CSMD2: variants seen among roughly 807,000 people sequenced by gnomAD.
CSMD2 encodes the protein CUB and Sushi multiple domains 2, also known as CUB and sushi domain-containing protein 2.
Under a neutral mutation model 398.5 loss-of-function variants are expected in CSMD2, and 130 were observed. The observed-to-expected ratio is 0.33, with a 90% CI of 0.28 to 0.38. CSMD2 has a LOEUF of 0.38. CSMD2 is among the 10% of genes least tolerant of loss of function. The pLI, the probability that CSMD2 is intolerant of heterozygous loss-of-function variation, is 1.00. For synonymous variants in CSMD2, 1,828 were observed against 1,908.5 expected, an observed-to-expected ratio of 0.96 and a Z score of 1.10; for missense variants, 3,829 against 4,764.9, an observed-to-expected ratio of 0.80 and a Z score of 5.78.
At chr1:33,996,363 G>A (rs762520865) in intron 3 of CSMD2, among the ~76,000 whole-genome samples, 1 of 152,202 alleles carries the variant, frequency 6.6e-6, no homozygotes, top group Admixed American at 6.5e-5. Flanking sequence ...CTCCGCCCTG[G>A]CTTTTCCACG....
chr1:33,566,668 G>C (rs112684188), intron 53 of CSMD2, among the ~76,000 whole-genome samples: 157 of 152,198 alleles, frequency 1.0e-3, no homozygotes, highest in African/African-American at 3.5e-3. Flanking sequence ...TACAATTCTA[G>C]CTAAAAAATG....
chr1:33,899,156 G>A lies in CSMD2; in HGVS notation c.920+18938C>T, dbSNP rs557578383. ...GACAGGGCTCTCTTGAAAGGGGAAC[G>A]CTGATGGCAGTCTGTCCCACGCTCA... On this transcript the variant is annotated intron_variant, in intron 5 of 70. Coordinates refer to ENST00000373381, the MANE Select transcript of CSMD2 (RefSeq NM_001281956.2). Among the ~76,000 whole-genome samples the A allele has an allele frequency of 6.6e-5, 10 of 152,336 alleles. No individual in the cohort carries two copies. In the South Asian group the frequency reaches 1.2e-3, roughly 19 times the overall value.
At chr1:33,538,475 CGTGT>C (rs36072752) in intron 60 of CSMD2, among the ~76,000 whole-genome samples, 12 of 151,274 alleles carry the variant, frequency 7.9e-5, no homozygotes, top group African/African-American at 1.9e-4. Flanking sequence ...TGTGCGTGTG[CGTGT>C]GTGTGTGTGT....
chr1:33,883,270 T>C (rs1321630), intron 5 of CSMD2, among the ~76,000 whole-genome samples: 25,875 of 152,164 alleles, frequency 0.17, 3,113 homozygotes, highest in African/African-American at 0.33. Context: ...AAAAAAGACC[T>C]GGGCTTCCAA....
At chr1:33,701,923 C>G (rs1033644730) in intron 22 of CSMD2, among the ~76,000 whole-genome samples, 1 of 152,142 alleles carries the variant, frequency 6.6e-6, no homozygotes, top group African/African-American at 2.4e-5. Context: ...GTAAGAAAGA[C>G]AATCAGACAC....
chr1:33,593,785 G>A (rs1195251656), intron 44 of CSMD2, among the ~76,000 whole-genome samples: 1 of 152,078 alleles, frequency 6.6e-6, no homozygotes, highest in Non-Finnish European at 1.5e-5. Flanking sequence ...CTTATTTTGT[G>A]CTTGCTGTAT....
At position 33,600,904 on chromosome 1, in the gene CSMD2, C is replaced by T. The variant is rs755914721; in HGVS notation, c.6817G>A (p.Asp2273Asn). ...SNQVLLKFHR[D>N]AATGGIFAIA... is the part of the protein sequence containing the mutation. Reference sequence around the variant, plus strand: ...GCGAAGATCCCCCCTGTGGCTGCATCACGGTGGAACTTGAGCAGGACCTGG... The same window carrying T: ...GCGAAGATCCCCCCTGTGGCTGCATTACGGTGGAACTTGAGCAGGACCTGG... Residue 2273 changes from aspartate (D) to asparagine (N), a missense_variant, in exon 44 of 71, where the codon GAT (aspartate) becomes AAT (asparagine). This residue lies in a region of CSMD2 where 723 missense variants were observed against 758.6 expected (regional missense o/e 0.95). Coordinates refer to ENST00000373381, the MANE Select transcript of CSMD2 (RefSeq NM_001281956.2). 15 of 1,614,064 alleles carry T rather than the reference C, an allele frequency of 9.3e-6. No individual in the cohort carries two copies. The African/African-American group carries it at 2.0e-4, about 22-fold the overall frequency.
At chr1:33,758,725 T>C (rs575431494) in intron 13 of CSMD2, among the ~76,000 whole-genome samples, 20 of 152,330 alleles carry the variant, frequency 1.3e-4, no homozygotes, top group African/African-American at 3.1e-4. Context: ...CCTATCCCCA[T>C]TGACTTTGGG....
intron 3 of CSMD2, among the ~76,000 whole-genome samples, chr1:33,996,471 C>T (rs1646730208): frequency 6.6e-6 from 1 of 152,214 alleles, no homozygotes; most frequent in African/African-American, 2.4e-5. Flanking sequence ...AATGTCTTGG[C>T]AGCAAGTCCT....
intron 55 of CSMD2, among the ~76,000 whole-genome samples, chr1:33,554,314 C>T (rs1310729433): frequency 6.6e-6 from 1 of 151,162 alleles, no homozygotes; most frequent in Non-Finnish European, 1.5e-5. Context: ...CTGCCTCAGC[C>T]TCCCGAGTAG....
intron 9 of CSMD2, among the ~76,000 whole-genome samples, chr1:33,817,342 AG>A (rs1657585067): frequency 6.6e-6 from 1 of 152,204 alleles, no homozygotes; most frequent in African/African-American, 2.4e-5. Context: ...CACCACCGTC[AG>A]GGCTGGTCAC....
chr1:33,621,457 C>A (rs1469671768), intron 37 of CSMD2, among the ~76,000 whole-genome samples: 1 of 152,154 alleles, frequency 6.6e-6, no homozygotes, highest in Non-Finnish European at 1.5e-5. Context: ...TTTGACTGAC[C>A]CATCTTAATC....
chr1:33,560,854 A>G (rs1658472302), intron 53 of CSMD2, among the ~76,000 whole-genome samples: 1 of 152,234 alleles, frequency 6.6e-6, no homozygotes, highest in Admixed American at 6.5e-5. Flanking sequence ...CAGGAGTGTG[A>G]TAAATATTTG....
intron 44 of CSMD2, chr1:33,600,077 A>C: frequency 1.5e-6 from 1 of 676,012 alleles, no homozygotes; most frequent in South Asian, 1.7e-5. Flanking sequence ...ACTACCTCAC[A>C]GAATTCTTAC....
At chr1:34,019,433 G>T (rs1648578980) in intron 3 of CSMD2, among the ~76,000 whole-genome samples, 1 of 152,212 alleles carries the variant, frequency 6.6e-6, no homozygotes, top group African/African-American at 2.4e-5. Context: ...ACAAACAACT[G>T]TGTAAGCAAT....
chr1:33,837,368 T>G (rs1322447889), intron 6 of CSMD2, among the ~76,000 whole-genome samples: 3 of 150,312 alleles, frequency 2.0e-5, no homozygotes, highest in Non-Finnish European at 4.4e-5. Flanking sequence ...TGGGATATAT[T>G]CATTCATGTT....
chr1:33,970,503 G>T (rs1299815660), intron 3 of CSMD2, among the ~76,000 whole-genome samples: 1 of 152,210 alleles, frequency 6.6e-6, no homozygotes, highest in African/African-American at 2.4e-5. Context: ...TGGGCACCCA[G>T]GAGCAGATGA....
chr1:33,780,503 A>T (rs1476151697), intron 12 of CSMD2, among the ~76,000 whole-genome samples: 1 of 152,306 alleles, frequency 6.6e-6, no homozygotes, highest in African/African-American at 2.4e-5. Context: ...TAACACTGTC[A>T]TGGGTTTGTC....
At position 33,519,926 on chromosome 1, in the gene CSMD2, G is replaced by A; in HGVS notation, c.10622C>T (p.Pro3541Leu). 5.0e-6 allele frequency: 8 copies of A among 1,614,168 alleles called. No individual in the cohort carries two copies. The highest frequency in any genetic ancestry group is 6.8e-6 in the Non-Finnish European group (8 of 1,180,040). Residue 3541 changes from proline to leucine, a missense_variant, in exon 69 of 71, where the codon CCC becomes CTC. Physicochemically the swap from Pro to Leu is moderately conservative, Grantham distance 98 (BLOSUM62 -3). Transcript: ENST00000373381. The surrounding 1 kb of genome is among the most constrained non-coding windows in gnomAD (Gnocchi z 5.6). ...AGCAAAGTGGCGGCCAATGGACTCG[G>A]GGTCTGACTCCAGCAGCCTGAGGTC... ...RLDLRLLESD[P>L]ESIGRHFASN... is the part of the protein sequence containing the mutation.
Sources: allele counts gnomAD v4.1 joint callset (sites outside exome capture counted in the v4.1 genomes callset), GRCh38; gene constraint gnomAD v4.1.1; regional missense constraint gnomAD v4.1.1; non-coding constraint Gnocchi (gnomAD v3.1); transcripts MANE v1.5; gene names NCBI Gene and HGNC (gene_info 2026-07-23, HGNC 2026-07-21).